Variants in WAPL observed in about 807,000 individuals in gnomAD.
WAPL encodes the protein WAPL cohesin release factor.
Under a neutral mutation model 121.0 loss-of-function variants are expected in WAPL, and 5 were observed. That is an observed-to-expected ratio of 0.04 (90% CI 0.02 to 0.09). WAPL has a LOEUF of 0.09. Ranked by LOEUF, WAPL falls within the 10% of genes least tolerant of loss-of-function variation. The pLI, the probability that WAPL is intolerant of heterozygous loss-of-function variation, is 1.00. For missense variants in WAPL, 999 were observed against 1,410.8 expected, an observed-to-expected ratio of 0.71 and a Z score of 4.68; for synonymous variants, 480 against 481.5, an observed-to-expected ratio of 1.00 and a Z score of 0.04.
intron 9 of WAPL, among the ~76,000 whole-genome samples, chr10:86,464,766 G>T (rs772292867): frequency 1.4e-4 from 22 of 151,880 alleles, no homozygotes; most frequent in Non-Finnish European, 2.8e-4. Context: ...AACCTGGGAG[G>T]TAGAGGCTGC....
rs1842330700 is a variant in WAPL, at chr10:86,505,385, AG to A, written c.500-4643del. On this transcript the variant is annotated intron_variant, in intron 2 of 18. Coordinates refer to ENST00000298767, the MANE Select transcript of WAPL (RefSeq NM_015045.5). The stretch of plus-strand genomic sequence containing the variant: ...GTGCAGTCTCCACCTCCCACGTTCA[AG>A]TGATATTCTCCTGTCTCAACCTCCT... Among the ~76,000 whole-genome samples the A allele has an allele frequency of 2.1e-5, 3 of 141,258 alleles. No individual in the cohort carries two copies. The South Asian group carries it at 6.7e-4, about 31-fold the overall frequency. The allele number at this position is 141,258 out of a possible 152,430, so 92.7% of individuals were successfully genotyped here.
intron 16 of WAPL, among the ~76,000 whole-genome samples, chr10:86,444,205 TTACAA>T (rs1208024508): frequency 1.3e-5 from 2 of 152,182 alleles, no homozygotes; most frequent in African/African-American, 4.8e-5. Context: ...AAATTTTCTT[TTACAA>T]TACAAGTAAC....
chr10:86,480,640 CAA>C (rs1841761504), intron 4 of WAPL, among the ~76,000 whole-genome samples: 1 of 3,532 alleles, frequency 2.8e-4, no homozygotes, highest in Non-Finnish European at 1.8e-3. Flanking sequence ...TATCTTGAGA[CAA>C]CACCACCTGT....
intron 2 of WAPL, among the ~76,000 whole-genome samples, chr10:86,507,365 C>CAAAAAAA (rs34752630): frequency 9.0e-5 from 7 of 77,684 alleles, no homozygotes; most frequent in African/African-American, 2.2e-4. Context: ...GACTCTGTCT[C>CAAAAAAA]AAAAAAAAAA....
Position 86,460,511 on chromosome 10 carries a change from A to G in WAPL, c.2483-15T>C, listed in dbSNP as rs1293795185. 6.3e-7 allele frequency: 1 copy of G among 1,599,096 alleles called. No homozygotes were observed. The highest frequency in any genetic ancestry group is 1.3e-5 in the African/African-American group (1 of 74,496). ...ACATTCTTTTACTAGGTGAAAAGAA[A>G]CAAACGTAAGTTAGTATTTATCATC... On this transcript the variant is annotated splice_polypyrimidine_tract_variant and intron_variant, in intron 10 of 18. Coordinates refer to ENST00000298767, the MANE Select transcript of WAPL (RefSeq NM_015045.5).
intron 4 of WAPL, among the ~76,000 whole-genome samples, chr10:86,485,235 C>T (rs1016441564): frequency 6.6e-6 from 1 of 151,992 alleles, no homozygotes; most frequent in Non-Finnish European, 1.5e-5. Flanking sequence ...ACTTTAAAGG[C>T]ACCTATACTA....
At chr10:86,504,947 T>G (rs559981097) in intron 2 of WAPL, among the ~76,000 whole-genome samples, 24 of 152,280 alleles carry the variant, frequency 1.6e-4, no homozygotes, top group Non-Finnish European at 3.1e-4. Context: ...AAAAGCCCAC[T>G]CATCTCTTAA....
intron 8 of WAPL, among the ~76,000 whole-genome samples, chr10:86,469,432 T>G (rs1055708460): frequency 2.6e-5 from 4 of 151,744 alleles, no homozygotes; most frequent in Non-Finnish European, 5.9e-5. Flanking sequence ...TTTTGCATTT[T>G]TAGTAGAGAT....
intron 3 of WAPL, among the ~76,000 whole-genome samples, chr10:86,499,415 G>A (rs1842204905): frequency 6.6e-6 from 1 of 152,150 alleles, no homozygotes. Flanking sequence ...GTTCCTAGTG[G>A]ATGCCTGAAA....
chr10:86,471,386 T>C (rs1258925967), intron 7 of WAPL, among the ~76,000 whole-genome samples: 3 of 152,188 alleles, frequency 2.0e-5, no homozygotes, highest in Non-Finnish European at 4.4e-5. Context: ...CTGAGCTGCC[T>C]TTCATTAATA....
At chr10:86,499,377 C>A (rs1164649459) in intron 3 of WAPL, among the ~76,000 whole-genome samples, 3 of 152,154 alleles carry the variant, frequency 2.0e-5, no homozygotes, top group African/African-American at 7.2e-5. Context: ...AAGTAGCCCC[C>A]CCAGCCATCA....
chr10:86,450,890 G>A (rs1033148764), intron 15 of WAPL, among the ~76,000 whole-genome samples: 3 of 152,126 alleles, frequency 2.0e-5, no homozygotes, highest in Admixed American at 6.5e-5. Context: ...AACAAAAGAG[G>A]ATAATAAAAA....
chr10:86,451,594 T>C (rs1840981451), intron 15 of WAPL, among the ~76,000 whole-genome samples: 2 of 152,064 alleles, frequency 1.3e-5, no homozygotes, highest in African/African-American at 4.8e-5. Context: ...GGTTTCACCA[T>C]ATTGGTCAGG....
At chr10:86,517,211 C>T (rs563621011) in intron 2 of WAPL, among the ~76,000 whole-genome samples, 3 of 152,118 alleles carry the variant, frequency 2.0e-5, no homozygotes, top group Non-Finnish European at 2.9e-5. Context: ...ATTTTAAATA[C>T]TCATCTCATT....
chr10:86,499,779 C>T lies in WAPL; in HGVS notation c.1464G>A (p.Leu488=). ...KRTKTAPSPS[L]QPPPESNDNS... The stretch of plus-strand genomic sequence containing the variant: ...TATCATTGCTTTCTGGGGGAGGCTG[C>T]AAGGAGGGTGATGGAGCTGTTTTAG... Residue 488 remains leucine (L), a synonymous_variant, in exon 3 of 19, where the codon TTG becomes TTA. Coordinates refer to ENST00000298767, the MANE Select transcript of WAPL (RefSeq NM_015045.5). The T allele has an allele frequency of 6.2e-6, 10 of 1,608,422 alleles. No individual in the cohort carries two copies. Among genetic ancestry groups the T allele is most frequent in the Non-Finnish European group, 8.5e-6 (10 of 1,178,298 alleles).
intron 8 of WAPL, among the ~76,000 whole-genome samples, chr10:86,469,817 G>T (rs1213159744): frequency 6.6e-6 from 1 of 152,074 alleles, no homozygotes; most frequent in African/African-American, 2.4e-5. Context: ...AGGCCATGGG[G>T]GATCCACTGC....
chr10:86,464,917 C>T (rs1293122302), intron 9 of WAPL, among the ~76,000 whole-genome samples: 1 of 152,196 alleles, frequency 6.6e-6, no homozygotes, highest in Non-Finnish European at 1.5e-5. Context: ...CATTGATTTG[C>T]CATCTGGGCA....
At chr10:86,457,488 G>C (rs993175967) in intron 12 of WAPL, among the ~76,000 whole-genome samples, 1 of 151,678 alleles carries the variant, frequency 6.6e-6, no homozygotes. Flanking sequence ...CCCCGTCTCT[G>C]CTAAAAATAC....
At chr10:86,501,648 G>C (rs990638845) in intron 2 of WAPL, among the ~76,000 whole-genome samples, 1 of 152,180 alleles carries the variant, frequency 6.6e-6, no homozygotes, top group African/African-American at 2.4e-5. Context: ...TACATGGACA[G>C]ATTCACTGCA....
Sources: gnomAD v4.1 joint callset for allele counts (sites outside exome capture counted in the v4.1 genomes callset) on GRCh38, gnomAD v4.1.1 for gene constraint, MANE v1.5 for transcripts, NCBI Gene and HGNC (gene_info 2026-07-23, HGNC 2026-07-21) for gene names.